NINJ2: variants seen among roughly 807,000 people sequenced by gnomAD.
NINJ2 encodes the protein ninjurin 2, also known as ninjurin-2.
A neutral mutation model predicts 11.7 loss-of-function variants in NINJ2; 12 were observed. The ratio of observed to expected loss-of-function variants is 1.02; its 90% CI spans 0.66 to 1.66. The LOEUF is 1.66. Among genes scored for constraint, NINJ2 ranks in the 40% most tolerant of loss-of-function variants. The pLI is 0.00. For missense variants in NINJ2, 187 were observed against 181.8 expected, an observed-to-expected ratio of 1.03 and a Z score of -0.16; for synonymous variants, 93 against 76.8, an observed-to-expected ratio of 1.21 and a Z score of -1.10.
intron 1 of NINJ2, among the ~76,000 whole-genome samples, chr12:573,639 C>T (rs1947411504): frequency 6.6e-6 from 1 of 152,070 alleles, no homozygotes; most frequent in African/African-American, 2.4e-5. Flanking sequence ...AAAACAAAAA[C>T]ATATGCAGCC....
chr12:659,567 C>G (rs773586286), intron 1 of NINJ2, among the ~76,000 whole-genome samples: 1 of 152,302 alleles, frequency 6.6e-6, no homozygotes, highest in South Asian at 2.1e-4. Flanking sequence ...TTGGAGGCCA[C>G]AGCCACAGGC....
intron 1 of NINJ2, among the ~76,000 whole-genome samples, chr12:604,344 A>C (rs1947909945): frequency 6.6e-6 from 1 of 152,152 alleles, no homozygotes; most frequent in African/African-American, 2.4e-5. Context: ...CGAGCAATAG[A>C]GGCCACAGCC....
At chr12:604,596 C>T (rs1030321900) in intron 1 of NINJ2, among the ~76,000 whole-genome samples, 2 of 152,144 alleles carry the variant, frequency 1.3e-5, no homozygotes, top group Non-Finnish European at 2.9e-5. Flanking sequence ...TGAGATGGCG[C>T]CACTGCTCTC....
chr12:652,245 C>T (rs538188951), intron 1 of NINJ2, among the ~76,000 whole-genome samples: 10 of 152,178 alleles, frequency 6.6e-5, no homozygotes, highest in African/African-American at 1.2e-4. Context: ...CAGACACATG[C>T]GGAGAAGAAA....
intron 1 of NINJ2, among the ~76,000 whole-genome samples, chr12:599,051 AAG>A (rs200349988): frequency 0.02 from 3,040 of 152,084 alleles, 110 homozygotes; most frequent in African/African-American, 0.068. Flanking sequence ...CCAGCCGAAA[AAG>A]AGAGAAATAT....
rs541140510 is a variant in NINJ2, at chr12:615,355, G to A, written c.33+47973C>T. On this transcript the variant is annotated intron_variant, in intron 1 of 3. Coordinates refer to ENST00000305108, the MANE Select transcript of NINJ2 (RefSeq NM_016533.6). ...TGTAATCCCAGCACTTTGGGAGGCC[G>A]AGGCAGGTGGATCACCTGAGGTCAG... Among the ~76,000 whole-genome samples, 189 of 152,226 alleles carry A rather than the reference G, an allele frequency of 1.2e-3. 2 individuals are homozygous for A. The highest frequency in any genetic ancestry group is 4.3e-3 in the African/African-American group (177 of 41,536).
At chr12:603,915 C>T (rs568305085) in intron 1 of NINJ2, among the ~76,000 whole-genome samples, 4 of 152,296 alleles carry the variant, frequency 2.6e-5, no homozygotes, top group Non-Finnish European at 5.9e-5. Context: ...CCTGCCTCAG[C>T]CTCCCAAAGT....
intron 1 of NINJ2, among the ~76,000 whole-genome samples, chr12:634,200 C>T (rs1248365603): frequency 6.8e-6 from 1 of 147,364 alleles, no homozygotes; most frequent in African/African-American, 2.5e-5. Context: ...TTCAGCACAA[C>T]TTATGTAAGT....
At chr12:630,691 C>T (rs912003510) in intron 1 of NINJ2, among the ~76,000 whole-genome samples, 12 of 152,226 alleles carry the variant, frequency 7.9e-5, no homozygotes, top group African/African-American at 2.9e-4. Context: ...CTTCTAAATA[C>T]AGCCTGTATA....
At chr12:629,390 C>T (rs1948243690) in intron 1 of NINJ2, among the ~76,000 whole-genome samples, 1 of 152,166 alleles carries the variant, frequency 6.6e-6, no homozygotes, top group Non-Finnish European at 1.5e-5. Context: ...GCGATGCCAC[C>T]TGGGTGGAGG....
Position 565,391 on chromosome 12 carries a change from G to T in NINJ2, c.273C>A (p.Asn91Lys). 2 of 1,614,070 alleles carry T rather than the reference G, an allele frequency of 1.2e-6. No individual in the cohort carries two copies. The highest frequency in any genetic ancestry group is 1.7e-6 in the Non-Finnish European group (2 of 1,180,004). ...GVLLVVIARL[N>K]LNEVEKQWRL... ...GCCACTGCTTTTCTACCTCATTCAG[G>T]TTCAGCCGTGCTGCAGGGAAGTGGA... The change falls in exon 3 of 4, where the codon AAC becomes AAA. Residue 91 changes from asparagine (N) to lysine (K), a missense_variant. Transcript: ENST00000305108.
chr12:567,124 G>A (rs1166466238), intron 1 of NINJ2, among the ~76,000 whole-genome samples: 1 of 152,248 alleles, frequency 6.6e-6, no homozygotes, highest in Non-Finnish European at 1.5e-5. Flanking sequence ...CTGAAGTGGA[G>A]CAAGGTGAGA....
rs1015533986 is a variant in NINJ2, at chr12:628,541, A to C, written c.33+34787T>G. Among the ~76,000 whole-genome samples, 1 of 152,238 alleles carries C rather than the reference A, an allele frequency of 6.6e-6. No individual in the cohort carries two copies. Among genetic ancestry groups the C allele is most frequent in the African/African-American group, 2.4e-5 (1 of 41,472 alleles). On this transcript the variant is annotated intron_variant, in intron 1 of 3. Coordinates refer to ENST00000305108, the MANE Select transcript of NINJ2 (RefSeq NM_016533.6). This position sits in a 1 kb window ranked among gnomAD's most constrained non-coding sequence, Gnocchi z 4.4. Reference sequence around the variant, plus strand: ...GGTAATGCATATATAATACGTGTCTATGGCAGAGGCATTCGAACCAGAATG... The same window carrying C: ...GGTAATGCATATATAATACGTGTCTCTGGCAGAGGCATTCGAACCAGAATG...
In NINJ2 at chr12:628,545, C is replaced by T. The variant is rs1275152930; in HGVS notation, c.33+34783G>A. Among the ~76,000 whole-genome samples the T allele has an allele frequency of 1.3e-5, 2 of 152,154 alleles. No individual in the cohort carries two copies. The highest frequency in any genetic ancestry group is 2.9e-5 in the Non-Finnish European group (2 of 68,026). ...ATGCATATATAATACGTGTCTATGGCAGAGGCATTCGAACCAGAATGACTC... is the reference window on the plus strand; with the variant it reads ...ATGCATATATAATACGTGTCTATGGTAGAGGCATTCGAACCAGAATGACTC... On this transcript the variant is annotated intron_variant, in intron 1 of 3. Transcript: ENST00000305108. The surrounding 1 kb of genome is among the most constrained non-coding windows in gnomAD (Gnocchi z 4.4).
chr12:606,775 G>A (rs925511818), intron 1 of NINJ2, among the ~76,000 whole-genome samples: 10 of 152,210 alleles, frequency 6.6e-5, no homozygotes, highest in African/African-American at 2.2e-4. Context: ...GTTACTGGAA[G>A]GTGTGCGCCA....
At chr12:610,470 A>G in intron 1 of NINJ2, 1 of 1,534,068 alleles carries the variant, frequency 6.5e-7, no homozygotes, top group South Asian at 1.2e-5. Context: ...CTGAGAGGAA[A>G]AGGGTCAGCG....
intron 1 of NINJ2, among the ~76,000 whole-genome samples, chr12:631,834 T>C (rs1053306253): frequency 6.6e-6 from 1 of 152,232 alleles, no homozygotes; most frequent in African/African-American, 2.4e-5. Flanking sequence ...CAGGAAACTA[T>C]CTGAAACTCC....
chr12:565,983 G>A lies in NINJ2; in HGVS notation c.229C>T (p.Gln77Ter), dbSNP rs1947293859. 6.2e-7 allele frequency: 1 copy of A among 1,614,264 alleles called. No individual in the cohort carries two copies. Among genetic ancestry groups the A allele is most frequent in the African/African-American group, 1.3e-5 (1 of 75,072 alleles). The stretch of plus-strand genomic sequence containing the variant: ...ACGAGCAGGACACCGATGACCACCT[G>A]CAGGAGCAGAGAGAGGCTGATGAGG... Reference protein sequence around the residue: ...VTLISLSLLLQVVIGVLLVVI... With the variant: ...VTLISLSLLL The change falls in exon 2 of 4, where the codon CAG (glutamine) becomes TAG (stop). Residue 77 changes from glutamine (Q) to a stop codon, truncating the protein, a stop_gained. Transcript: ENST00000305108. LOFTEE classifies it high-confidence loss of function.
intron 1 of NINJ2, among the ~76,000 whole-genome samples, chr12:635,857 C>A (rs1325482905): frequency 1.3e-5 from 2 of 152,178 alleles, no homozygotes; most frequent in African/African-American, 2.4e-5. Flanking sequence ...GGCAGATCAT[C>A]TGAGGTCAGG....
Sources: gnomAD v4.1 joint callset for allele counts (sites outside exome capture counted in the v4.1 genomes callset) on GRCh38, gnomAD v4.1.1 for gene constraint, Gnocchi (gnomAD v3.1) non-coding constraint, MANE v1.5 for transcripts, NCBI Gene and HGNC (gene_info 2026-07-23, HGNC 2026-07-21) for gene names.